Variants in CASZ1 observed in about 807,000 individuals in gnomAD.
CASZ1 encodes the protein castor zinc finger 1.
Under a neutral mutation model 135.2 loss-of-function variants are expected in CASZ1, and 28 were observed. The ratio of observed to expected loss-of-function variants is 0.21; its 90% CI spans 0.15 to 0.28. The LOEUF is 0.28. Ranked by LOEUF, CASZ1 falls within the 10% of genes least tolerant of loss-of-function variation. The pLI, the probability that CASZ1 is intolerant of heterozygous loss-of-function variation, is 1.00. For missense variants in CASZ1, 2,161 were observed against 2,453.3 expected, an observed-to-expected ratio of 0.88 and a Z score of 2.52; for synonymous variants, 1,068 against 1,073.4, an observed-to-expected ratio of 0.99 and a Z score of 0.10.
rs537967863 is a variant in CASZ1, at chr1:10,641,425, T to G, written c.4163-1366A>C. On this transcript the variant is annotated intron_variant, in intron 20 of 20. Transcript: ENST00000377022. ...CAGAGGAGTCCGAGCCCGGGTGGTGTCTACGCTCAAGGGAGGGGGCGGGCA... is the reference window on the plus strand; with the variant it reads ...CAGAGGAGTCCGAGCCCGGGTGGTGGCTACGCTCAAGGGAGGGGGCGGGCA... Among the ~76,000 whole-genome samples the G allele has an allele frequency of 5.9e-5, 9 of 152,138 alleles. No individual in the cohort carries two copies. The South Asian group carries it at 1.9e-3, about 32-fold the overall frequency.
rs997863657 is a variant in CASZ1, at chr1:10,759,408, C to T, written c.-77+1293G>A. ...AGCCCCGGTGCTATCCAGGGGACAA[C>T]GGCAGCACATCCTAAGTACGACAGA... On this transcript the variant is annotated intron_variant, in intron 2 of 20. Coordinates refer to ENST00000377022, the MANE Select transcript of CASZ1 (RefSeq NM_001079843.3). This position sits in a 1 kb window ranked among gnomAD's most constrained non-coding sequence, Gnocchi z 4.2. Among the ~76,000 whole-genome samples the T allele has an allele frequency of 3.3e-5, 5 of 152,296 alleles. No homozygotes were observed. The highest frequency in any genetic ancestry group is 2.0e-4 in the Admixed American group (3 of 15,302).
At chr1:10,675,017 C>CA (rs1007752349) in intron 4 of CASZ1, among the ~76,000 whole-genome samples, 3 of 152,074 alleles carry the variant, frequency 2.0e-5, no homozygotes, top group African/African-American at 7.3e-5. Flanking sequence ...GCTCAGATAC[C>CA]CCCCGCAACC....
Position 10,738,316 on chromosome 1 carries a change from G to A in CASZ1, c.-77+22385C>T, listed in dbSNP as rs919923221. On this transcript the variant is annotated intron_variant, in intron 2 of 20. Transcript: ENST00000377022. ...GCCCAGAATGTCTCAGTCCCGGGAC[G>A]CTGACGCGGCAGGAAACCCGGAAGG... Among the ~76,000 whole-genome samples the A allele has an allele frequency of 5.9e-5, 9 of 152,342 alleles. No homozygotes were observed. In the East Asian group the frequency reaches 1.4e-3, roughly 23 times the overall value.
Position 10,639,632 on chromosome 1 carries a change from G to T in CASZ1, c.4590C>A (p.Val1530=). 6.2e-7 allele frequency: 1 copy of T among 1,607,912 alleles called. No homozygotes were observed. The highest frequency in any genetic ancestry group is 8.5e-7 in the Non-Finnish European group (1 of 1,178,768). Residue 1530 remains valine, a synonymous_variant, in exon 21 of 21, where the codon GTC becomes GTA. Transcript: ENST00000377022. The surrounding 1 kb of genome is among the most constrained non-coding windows in gnomAD (Gnocchi z 4.0). ...TGCCGTGGTGCTTGCGATGCGCCGT[G>T]ACCTTGGTGCTGTCGGTGCAGCGGA... ...CRFRCTDSTK[V]TAHRKHHGKQ... is the part of the protein sequence containing the mutation.
intron 2 of CASZ1, among the ~76,000 whole-genome samples, chr1:10,758,886 C>T (rs574703286): frequency 7.9e-4 from 120 of 152,276 alleles, no homozygotes; most frequent in African/African-American, 2.8e-3. Context: ...TATTCTCACT[C>T]GGAGCCCGTG....
intron 2 of CASZ1, among the ~76,000 whole-genome samples, chr1:10,751,155 T>C (rs1189523926): frequency 6.6e-6 from 1 of 152,080 alleles, no homozygotes; most frequent in African/African-American, 2.4e-5. Flanking sequence ...TAAAAGGGAA[T>C]AGGAAAGATC....
At chr1:10,650,389 T>C (rs1234685428) in intron 13 of CASZ1, 2 of 181,170 alleles carry the variant, frequency 1.1e-5, no homozygotes, top group Non-Finnish European at 2.3e-5. Flanking sequence ...AATAAATAAA[T>C]AAAATTAATA....
At position 10,711,126 on chromosome 1, in the gene CASZ1, G is replaced by A. The variant is rs961281379; in HGVS notation, c.-76-5582C>T. 3.3e-5 allele frequency among the ~76,000 whole-genome samples: 5 copies of A among 152,288 alleles called. No homozygotes were observed. Among genetic ancestry groups the A allele is most frequent in the Non-Finnish European group, 5.9e-5 (4 of 68,020 alleles). Reference sequence around the variant, plus strand: ...AGCCTGGGCGACAGAGCGAGACTCCGTCTTGGGGGGAGAAAAAAGAAAAAG... The same window carrying A: ...AGCCTGGGCGACAGAGCGAGACTCCATCTTGGGGGGAGAAAAAAGAAAAAG... On this transcript the variant is annotated intron_variant, in intron 2 of 20. Transcript: ENST00000377022. This position sits in a 1 kb window ranked among gnomAD's most constrained non-coding sequence, Gnocchi z 4.4.
rs1642482162 is a variant in CASZ1 at position 10,649,360 on chromosome 1, G to A, written c.2958C>T (p.Pro986=). ...TCACGGCCTTGCCTAGGAAGGGCGA[G>A]GGCTCCGCAGCGGGGCTCCCCTCCG... ...AEAEGSPAAE[P]SPFLGKAVKA... is the part of the protein sequence containing the mutation. The change falls in exon 14 of 21, where the codon CCC becomes CCT. Residue 986 remains proline (P), a synonymous_variant. Coordinates refer to ENST00000377022, the MANE Select transcript of CASZ1 (RefSeq NM_001079843.3). 6.2e-7 allele frequency: 1 copy of A among 1,603,986 alleles called. No individual in the cohort carries two copies. The highest frequency in any genetic ancestry group is 1.3e-5 in the African/African-American group (1 of 74,718).
At chr1:10,654,636 T>C (rs1219829522) in intron 9 of CASZ1, 45 bp from the exon 10 acceptor site, 2 of 1,588,962 alleles carry the variant, frequency 1.3e-6, no homozygotes, top group Non-Finnish European at 8.6e-7. Context: ...GGCCAGGTGC[T>C]CCTGGGCCGA....
At chr1:10,765,514 G>A (rs966436263) in intron 1 of CASZ1, among the ~76,000 whole-genome samples, 2 of 152,118 alleles carry the variant, frequency 1.3e-5, no homozygotes, top group Non-Finnish European at 2.9e-5. Flanking sequence ...CGACGGGTAC[G>A]CCCAACGCAG....
chr1:10,682,784 C>T (rs1638468054), intron 4 of CASZ1, among the ~76,000 whole-genome samples: 1 of 152,204 alleles, frequency 6.6e-6, no homozygotes, highest in Admixed American at 6.5e-5. Flanking sequence ...CTGAAGGCCT[C>T]CCGAGGAGCC....
At chr1:10,668,498 C>A (rs910843012) in intron 4 of CASZ1, among the ~76,000 whole-genome samples, 1 of 152,332 alleles carries the variant, frequency 6.6e-6, no homozygotes, top group African/African-American at 2.4e-5. Flanking sequence ...GGCGAGGGGA[C>A]TCCTGCTCTG....
rs1011401812 is a variant in CASZ1 at position 10,676,543 on chromosome 1, CCTCCATCTCTCTCTGTGCCT to C, written c.17-10992_17-10973del. ...AACAAAGGGGCTCTCCTCCTGGGCTCCTCCATCTCTCTCTGTGCCTCTCCATCTCTCTCTGTGCCTCGGTG... is the reference window on the plus strand; with the variant it reads ...AACAAAGGGGCTCTCCTCCTGGGCTCCTCCATCTCTCTCTGTGCCTCGGTG... On this transcript the variant is annotated intron_variant, in intron 4 of 20. Coordinates refer to ENST00000377022, the MANE Select transcript of CASZ1 (RefSeq NM_001079843.3). The surrounding 1 kb of genome is among the most constrained non-coding windows in gnomAD (Gnocchi z 4.5). Among the ~76,000 whole-genome samples the C allele has an allele frequency of 1.8e-4, 28 of 152,208 alleles. No individual in the cohort carries two copies. The East Asian group carries it at 1.9e-3, about 11-fold the overall frequency.
In CASZ1 at chr1:10,727,097, G is replaced by A. The variant is rs372207910; in HGVS notation, c.-76-21553C>T. Among the ~76,000 whole-genome samples the A allele has an allele frequency of 2.0e-5, 3 of 152,246 alleles. No individual in the cohort carries two copies. The highest frequency in any genetic ancestry group is 7.2e-5 in the African/African-American group (3 of 41,532). On this transcript the variant is annotated intron_variant, in intron 2 of 20. Coordinates refer to ENST00000377022, the MANE Select transcript of CASZ1 (RefSeq NM_001079843.3). This position sits in a 1 kb window ranked among gnomAD's most constrained non-coding sequence, Gnocchi z 5.3. Reference sequence around the variant, plus strand: ...AACGAAGGCAGAGGGGGAGCCATGGGCGCCAATGTCAAGCCCAGCCCACCA... The same window carrying A: ...AACGAAGGCAGAGGGGGAGCCATGGACGCCAATGTCAAGCCCAGCCCACCA...
At position 10,767,882 on chromosome 1, in the gene CASZ1, AC is replaced by A. The variant is rs1640505525; in HGVS notation, c.-233-7026del. Among the ~76,000 whole-genome samples the A allele has an allele frequency of 7.0e-6, 1 of 143,744 alleles. No homozygotes were observed. Among genetic ancestry groups the A allele is most frequent in the African/African-American group, 2.6e-5 (1 of 38,868 alleles). The allele number at this position is 143,744 out of a possible 152,430, so 94.3% of individuals were successfully genotyped here. ...TGAGGAGGGCCACGACCCTGGCATC[AC>A]CCCAGTCCCCCAACGCCCACTCCAA... On this transcript the variant is annotated intron_variant, in intron 1 of 20. Transcript: ENST00000377022. The surrounding 1 kb of genome is among the most constrained non-coding windows in gnomAD (Gnocchi z 4.2).
rs747765395 is a variant in CASZ1 at position 10,659,865 on chromosome 1, G to A, written c.1177C>T (p.Pro393Ser). ...KPGPAKVPPT[P>S]SLAPAPLASV... ...GCGAGGGGTGCGGGAGCCAGGCTGG[G>A]GGTGGGCGGAACCTTGGCGGGGCCT... Residue 393 changes from proline (P) to serine (S), a missense_variant, in exon 6 of 21, where the codon CCC (proline) becomes TCC (serine). By Grantham distance (74) the Pro-to-Ser change is moderately conservative. Transcript: ENST00000377022. 2.5e-6 allele frequency: 4 copies of A among 1,611,594 alleles called. No individual in the cohort carries two copies. The highest frequency in any genetic ancestry group is 3.4e-6 in the Non-Finnish European group (4 of 1,179,058).
At chr1:10,744,298 G>A (rs935384842) in intron 2 of CASZ1, among the ~76,000 whole-genome samples, 98 of 151,880 alleles carry the variant, frequency 6.5e-4, no homozygotes, top group Non-Finnish European at 2.8e-4. Flanking sequence ...CTTTGGTACC[G>A]AGACTTCTTG....
In CASZ1 at chr1:10,706,810, C is replaced by T. The variant is rs775937480; in HGVS notation, c.-76-1266G>A. Reference sequence around the variant, plus strand: ...TTGGTGGTTAGGAAGTGCTGCCCCACGGGCCTCTGATGCCCATCTCATCCA... The same window carrying T: ...TTGGTGGTTAGGAAGTGCTGCCCCATGGGCCTCTGATGCCCATCTCATCCA... On this transcript the variant is annotated intron_variant, in intron 2 of 20. Coordinates refer to ENST00000377022, the MANE Select transcript of CASZ1 (RefSeq NM_001079843.3). The surrounding 1 kb of genome is among the most constrained non-coding windows in gnomAD (Gnocchi z 4.3). Among the ~76,000 whole-genome samples, 5 of 151,926 alleles carry T rather than the reference C, an allele frequency of 3.3e-5. No individual in the cohort carries two copies. The highest frequency in any genetic ancestry group is 5.9e-5 in the Non-Finnish European group (4 of 67,964).
Sources: allele counts gnomAD v4.1 joint callset (sites outside exome capture counted in the v4.1 genomes callset), GRCh38; gene constraint gnomAD v4.1.1; non-coding constraint Gnocchi (gnomAD v3.1); transcripts MANE v1.5; gene names NCBI Gene and HGNC (gene_info 2026-07-23, HGNC 2026-07-21).